Variants in SGCD observed in about 807,000 individuals in gnomAD.
SGCD encodes the protein sarcoglycan delta.
A neutral mutation model predicts 36.6 loss-of-function variants in SGCD; 18 were observed. The observed-to-expected ratio is 0.49, with a 90% CI of 0.34 to 0.73. SGCD has a LOEUF of 0.73. Ranked by LOEUF, SGCD falls within the 30% of genes least tolerant of loss-of-function variation. SGCD has a pLI of 0.01. For missense variants in SGCD, 387 were observed against 346.7 expected (o/e 1.12, Z -0.92); for synonymous variants, 133 against 130.6 (o/e 1.02, Z -0.12).
At chr5:156,620,234 GTGC>G (rs1479907841) in intron 6 of SGCD, among the ~76,000 whole-genome samples, 1 of 152,166 alleles carries the variant, frequency 6.6e-6, no homozygotes, top group East Asian at 1.9e-4. Flanking sequence ...ACTCAATGTG[GTGC>G]TAGGCACCTA....
At chr5:155,997,386 C>T (rs1029452395) in intron 1 of SGCD, among the ~76,000 whole-genome samples, 1 of 152,164 alleles carries the variant, frequency 6.6e-6, no homozygotes, top group Non-Finnish European at 1.5e-5. Flanking sequence ...GGATATTTTG[C>T]ATCTGAGTGT....
chr5:156,179,377 C>T (rs1293747999), intron 3 of SGCD, among the ~76,000 whole-genome samples: 5 of 152,034 alleles, frequency 3.3e-5, no homozygotes, highest in South Asian at 2.1e-4. Flanking sequence ...TATTCATTTA[C>T]GTATTGCAAG....
At chr5:156,757,324 A>C (rs1336164233) in intron 7 of SGCD, among the ~76,000 whole-genome samples, 1 of 151,808 alleles carries the variant, frequency 6.6e-6, no homozygotes, top group East Asian at 1.9e-4. Context: ...TACCAATAAA[A>C]CAACACTTGG....
the SGCD span, among the ~76,000 whole-genome samples, chr5:155,807,382 GTC>G: frequency 0.028 from 4,271 of 152,338 alleles, 84 homozygotes; most frequent in East Asian, 0.13. Context: ...CACCTCCAGT[GTC>G]TCTGTGAGAT....
chr5:156,429,935 C>T (rs897923295), intron 3 of SGCD, among the ~76,000 whole-genome samples: 3 of 152,070 alleles, frequency 2.0e-5, no homozygotes, highest in Non-Finnish European at 4.4e-5. Context: ...ATGCTTTTTT[C>T]TCACAGCTCC....
chr5:156,559,329 A>C (rs1171063536), intron 4 of SGCD, among the ~76,000 whole-genome samples: 1 of 152,158 alleles, frequency 6.6e-6, no homozygotes, highest in African/African-American at 2.4e-5. Flanking sequence ...CTGCTTCTTC[A>C]GACTGTGACC....
intron 1 of SGCD, among the ~76,000 whole-genome samples, chr5:156,046,829 C>G (rs977045597): frequency 2.0e-5 from 3 of 152,098 alleles, no homozygotes; most frequent in Admixed American, 6.6e-5. Flanking sequence ...TCTCTCACTT[C>G]AAACACTAAA....
At chr5:155,744,335 C>T in the SGCD span, among the ~76,000 whole-genome samples, 2 of 152,092 alleles carry the variant, frequency 1.3e-5, no homozygotes, top group African/African-American at 4.8e-5. Flanking sequence ...TAGCGCATGC[C>T]TGTAATCCCA....
At chr5:156,550,499 C>G (rs115128346) in intron 4 of SGCD, among the ~76,000 whole-genome samples, 1 of 152,186 alleles carries the variant, frequency 6.6e-6, no homozygotes, top group Admixed American at 6.5e-5. Context: ...GCTGGTGCAG[C>G]CAGTAAGAGC....
chr5:156,172,401 GT>G (rs1428070169), intron 3 of SGCD, among the ~76,000 whole-genome samples: 1 of 152,226 alleles, frequency 6.6e-6, no homozygotes, highest in African/African-American at 2.4e-5. Flanking sequence ...CAACGAGGAA[GT>G]CGGGAAGCAT....
At chr5:155,974,761 G>C (rs1202383480) in intron 1 of SGCD, among the ~76,000 whole-genome samples, 1 of 152,082 alleles carries the variant, frequency 6.6e-6, no homozygotes, top group Non-Finnish European at 1.5e-5. Flanking sequence ...GAGCTTGCCT[G>C]GTTCCCAAGA....
chr5:156,412,945 G>A lies in SGCD; in HGVS notation c.192+68268G>A, dbSNP rs570195683. On this transcript the variant is annotated intron_variant, in intron 3 of 8. Coordinates refer to ENST00000337851, the MANE Select transcript of SGCD (RefSeq NM_000337.6). ...TGAGTAGCTGGGACTACAGGCGCCC[G>A]CCACCGCGCCCAGCTAATTTTTTTT... 2.0e-4 allele frequency among the ~76,000 whole-genome samples: 30 copies of A among 151,730 alleles called. No individual in the cohort carries two copies. The South Asian group carries it at 4.6e-3, about 23-fold the overall frequency.
chr5:155,882,474 C>A (rs987215841), intron 1 of SGCD, among the ~76,000 whole-genome samples: 4 of 152,194 alleles, frequency 2.6e-5, no homozygotes, highest in Non-Finnish European at 5.9e-5. Flanking sequence ...CTATCCATGG[C>A]AGCTATAGCC....
At chr5:156,217,020 G>A (rs564044874) in intron 3 of SGCD, among the ~76,000 whole-genome samples, 1 of 152,330 alleles carries the variant, frequency 6.6e-6, no homozygotes, top group African/African-American at 2.4e-5. Flanking sequence ...GGAGGTTGCA[G>A]TGAGCCCAGA....
chr5:155,867,064 G>A (rs1019915191), upstream of SGCD, among the ~76,000 whole-genome samples: 6 of 152,180 alleles, frequency 3.9e-5, no homozygotes, highest in African/African-American at 1.2e-4. Context: ...AAATGATGGA[G>A]AGGAAAGGTG....
chr5:155,782,026 CTTTT>C, the SGCD span, among the ~76,000 whole-genome samples: 3 of 122,904 alleles, frequency 2.4e-5, no homozygotes, highest in Non-Finnish European at 3.5e-5. Context: ...TTTTTCTTTT[CTTTT>C]TTTTTTTTTT....
intron 3 of SGCD, among the ~76,000 whole-genome samples, chr5:156,380,718 G>T (rs1770930119): frequency 6.6e-6 from 1 of 152,198 alleles, no homozygotes; most frequent in South Asian, 2.1e-4. Flanking sequence ...CTGTAAAATG[G>T]GGATAGTGGT....
At chr5:156,637,383 G>T (rs1235502818) in intron 6 of SGCD, among the ~76,000 whole-genome samples, 1 of 152,108 alleles carries the variant, frequency 6.6e-6, no homozygotes, top group African/African-American at 2.4e-5. Context: ...GACAGTTGCT[G>T]GCAGCTTCAT....
chr5:156,070,515 C>T (rs1314293166), intron 1 of SGCD, among the ~76,000 whole-genome samples: 1 of 150,288 alleles, frequency 6.7e-6, no homozygotes, highest in Non-Finnish European at 1.5e-5. Flanking sequence ...TTTTGATGTG[C>T]TGCTGGATTT....
Sources: gnomAD v4.1 joint callset for allele counts (sites outside exome capture counted in the v4.1 genomes callset) on GRCh38, gnomAD v4.1.1 for gene constraint, MANE v1.5 for transcripts, NCBI Gene and HGNC (gene_info 2026-07-23, HGNC 2026-07-21) for gene names.